The following ACKR2 variants were observed in gnomAD, a reference collection of about 807,000 sequenced individuals.
ACKR2 encodes the protein atypical chemokine receptor 2, also known as C-C chemokine receptor D6.
For missense variants in ACKR2, 457 were observed against 477.3 expected, an observed-to-expected ratio of 0.96 and a Z score of 0.40; for synonymous variants, 207 against 192.2, an observed-to-expected ratio of 1.08 and a Z score of -0.64.
chr3:42,810,939 C>T (rs985152875), intron 1 of ACKR2, among the ~76,000 whole-genome samples: 2 of 152,354 alleles, frequency 1.3e-5, no homozygotes, highest in South Asian at 2.1e-4. Flanking sequence ...TGGCTCACTG[C>T]AGCCTCCACT....
chr3:42,847,964 C>T (rs903905848), intron 2 of ACKR2, among the ~76,000 whole-genome samples: 1 of 152,144 alleles, frequency 6.6e-6, no homozygotes, highest in African/African-American at 2.4e-5. Context: ...ACCACCTGCC[C>T]TGCATACCAG....
chr3:42,811,864 G>A (rs769437749), intron 1 of ACKR2, among the ~76,000 whole-genome samples: 69 of 152,172 alleles, frequency 4.5e-4, no homozygotes, highest in Non-Finnish European at 5.1e-4. Context: ...TCTGGCCTAC[G>A]TGCACATCCG....
chr3:42,856,885 C>T (rs796655054), intron 2 of ACKR2, among the ~76,000 whole-genome samples: 65 of 108,954 alleles, frequency 6.0e-4, no homozygotes, highest in African/African-American at 1.7e-3. Context: ...CTCTCTCTCC[C>T]TGTCTTTCTC....
At chr3:42,848,275 C>T (rs548844692) in intron 2 of ACKR2, among the ~76,000 whole-genome samples, 60 of 135,556 alleles carry the variant, frequency 4.4e-4, no homozygotes, top group South Asian at 1.2e-3. Flanking sequence ...CTGGAGTGCA[C>T]GGCACAATCT....
At position 42,865,560 on chromosome 3, in the gene ACKR2, T is replaced by C. The variant is rs750832582; in HGVS notation, c.1058T>C (p.Leu353Pro). Reference sequence around the variant, plus strand: ...TCCAGCTGTTCTGAGAGCAGCATACTTACTGCCCAAGAGGAAATGACTGGC... The same window carrying C: ...TCCAGCTGTTCTGAGAGCAGCATACCTACTGCCCAAGAGGAAATGACTGGC... ...SLSSCSESSILTAQEEMTGMN... is the reference protein window; with the variant it reads ...SLSSCSESSIPTAQEEMTGMN... Residue 353 changes from leucine (L) to proline (P), a missense_variant, in exon 3 of 3, where the codon CTT becomes CCT. Physicochemically the swap from Leu to Pro is moderately conservative, Grantham distance 98. Coordinates refer to ENST00000422265, the MANE Select transcript of ACKR2 (RefSeq NM_001296.5). 1 of 1,614,130 alleles carries C rather than the reference T, an allele frequency of 6.2e-7. No homozygotes were observed. The highest frequency in any genetic ancestry group is 8.5e-7 in the Non-Finnish European group (1 of 1,180,020).
chr3:42,813,189 C>T (rs1700713464), intron 1 of ACKR2, among the ~76,000 whole-genome samples: 1 of 151,976 alleles, frequency 6.6e-6, no homozygotes, highest in African/African-American at 2.4e-5. Context: ...AGAATTAGTC[C>T]AAGAGCTATA....
intron 2 of ACKR2, among the ~76,000 whole-genome samples, chr3:42,833,811 A>T (rs1340028881): frequency 6.6e-6 from 1 of 152,130 alleles, no homozygotes; most frequent in Non-Finnish European, 1.5e-5. Flanking sequence ...TAAACATATT[A>T]GTGATTATGT....
chr3:42,835,540 G>A (rs1250409457), intron 2 of ACKR2: 3 of 152,112 alleles, frequency 2.0e-5, no homozygotes, highest in Non-Finnish European at 4.4e-5. Context: ...GTTTCGTGTT[G>A]TGATAAATTC....
intron 1 of ACKR2, among the ~76,000 whole-genome samples, chr3:42,817,073 A>T (rs915563544): frequency 6.6e-6 from 1 of 152,106 alleles, no homozygotes; most frequent in African/African-American, 2.4e-5. Flanking sequence ...TCATCAACAC[A>T]ATGGGGATAC....
At chr3:42,819,132 T>A (rs985922074) in intron 1 of ACKR2, among the ~76,000 whole-genome samples, 1 of 152,166 alleles carries the variant, frequency 6.6e-6, no homozygotes, top group Non-Finnish European at 1.5e-5. Context: ...TAAAAGTCTG[T>A]ATAACTTTAT....
At chr3:42,821,625 ACT>A (rs890795239) in intron 2 of ACKR2, among the ~76,000 whole-genome samples, 9 of 151,698 alleles carry the variant, frequency 5.9e-5, no homozygotes, top group African/African-American at 2.2e-4. Flanking sequence ...TTTCTGGAAC[ACT>A]CTCTTGCCTC....
chr3:42,845,129 C>T (rs1230809038), intron 2 of ACKR2, among the ~76,000 whole-genome samples: 3 of 152,300 alleles, frequency 2.0e-5, no homozygotes, highest in South Asian at 2.1e-4. Flanking sequence ...ACACCAGGAC[C>T]GTGGCCATAA....
In ACKR2 at chr3:42,866,084, C is replaced by T. The variant is rs1259150172; in HGVS notation, c.*427C>T. 1.2e-5 allele frequency: 2 copies of T among 162,904 alleles called. No individual in the cohort carries two copies. The highest frequency in any genetic ancestry group is 2.7e-5 in the Non-Finnish European group (2 of 74,580). The allele number at this position is 162,904 out of a possible 1,614,324, so 10.1% of individuals were successfully genotyped here. Reference sequence around the variant, plus strand: ...CTCCTCCCCCTGGGTTGAAGCAATTCTCATGCCTCAGCCTCCCAAGTAGCC... The same window carrying T: ...CTCCTCCCCCTGGGTTGAAGCAATTTTCATGCCTCAGCCTCCCAAGTAGCC... On this transcript the variant is annotated 3_prime_UTR_variant, in exon 3 of 3. Transcript: ENST00000422265.
intron 2 of ACKR2, among the ~76,000 whole-genome samples, chr3:42,838,679 A>G (rs1057347224): frequency 3.9e-5 from 6 of 152,248 alleles, no homozygotes; most frequent in Admixed American, 2.0e-4. Flanking sequence ...TTACCATTCA[A>G]CATAGTCACT....
chr3:42,852,396 G>A lies in ACKR2; in HGVS notation c.-37-12070G>A, dbSNP rs1480818301. On this transcript the variant is annotated intron_variant, in intron 2 of 2. Transcript: ENST00000422265. This position sits in a 1 kb window ranked among gnomAD's most constrained non-coding sequence, Gnocchi z 4.3. ...TCACCTTCTGCAGCAGCAGCTCCTTGAAGGGTCGGGCTCTGAAAGTGCTTA... is the reference window on the plus strand; with the variant it reads ...TCACCTTCTGCAGCAGCAGCTCCTTAAAGGGTCGGGCTCTGAAAGTGCTTA... 1 of 152,252 alleles carries A rather than the reference G, an allele frequency of 6.6e-6. No homozygotes were observed. The highest frequency in any genetic ancestry group is 1.5e-5 in the Non-Finnish European group (1 of 68,056). The allele number at this position is 152,252 out of a possible 1,614,324, so 9.4% of individuals were successfully genotyped here. A position where few individuals can be genotyped will look rare whatever the true frequency, so the allele number is the denominator to read the frequency against.
chr3:42,811,985 C>G (rs1156652786), intron 1 of ACKR2, among the ~76,000 whole-genome samples: 1 of 152,176 alleles, frequency 6.6e-6, no homozygotes, highest in African/African-American at 2.4e-5. Context: ...ATTCCCCTAG[C>G]CGAGATAGTG....
intron 2 of ACKR2, among the ~76,000 whole-genome samples, chr3:42,842,813 T>C (rs1221243944): frequency 6.6e-6 from 1 of 151,784 alleles, no homozygotes; most frequent in Non-Finnish European, 1.5e-5. Flanking sequence ...TGAGACTCCA[T>C]CTCTACTAAA....
Position 42,865,830 on chromosome 3 carries a change from A to C in ACKR2, c.*173A>C. The C allele has an allele frequency of 3.5e-6, 2 of 569,730 alleles. No homozygotes were observed. Among genetic ancestry groups the C allele is most frequent in the Non-Finnish European group, 6.3e-6 (2 of 318,402 alleles). The allele number at this position is 569,730 out of a possible 1,614,324, so 35.3% of individuals were successfully genotyped here. On this transcript the variant is annotated 3_prime_UTR_variant, in exon 3 of 3. Transcript: ENST00000422265. Reference sequence around the variant, plus strand: ...CCCGCCTTCTTCCTCCACTTTCTTCACTTGCTTCCAGGATACCACGCTTTC... The same window carrying C: ...CCCGCCTTCTTCCTCCACTTTCTTCCCTTGCTTCCAGGATACCACGCTTTC...
chr3:42,859,132 C>T (rs572038323), intron 2 of ACKR2, among the ~76,000 whole-genome samples: 32 of 152,226 alleles, frequency 2.1e-4, no homozygotes, highest in Admixed American at 1.6e-3. Context: ...ACTTCCCCAA[C>T]CTAGCAAGAC....
Sources: allele counts gnomAD v4.1 joint callset (sites outside exome capture counted in the v4.1 genomes callset), GRCh38; gene constraint gnomAD v4.1.1; non-coding constraint Gnocchi (gnomAD v3.1); transcripts MANE v1.5; gene names NCBI Gene and HGNC (gene_info 2026-07-23, HGNC 2026-07-21).